The following USP38 variants were observed in gnomAD, a reference collection of about 807,000 sequenced individuals.
The protein encoded by USP38 is ubiquitin specific peptidase 38.
A neutral mutation model predicts 94.3 loss-of-function variants in USP38; 49 were observed. The observed-to-expected ratio is 0.52, with a 90% CI of 0.41 to 0.66. USP38 has a LOEUF of 0.66. Among genes scored for constraint, USP38 ranks in the 30% least tolerant of loss-of-function variants. The pLI is 0.00. For missense variants in USP38, 1,128 were observed against 1,229.4 expected (o/e 0.92, Z 1.23); for synonymous variants, 468 against 463.6 (o/e 1.01, Z -0.12).
At chr4:143,209,495 A>G in intron 6 of USP38, 69 bp from the exon 7 acceptor site, 1 of 1,012,642 alleles carries the variant, frequency 9.9e-7, no homozygotes, top group East Asian at 2.8e-5. Flanking sequence ...GTCTCAAAAA[A>G]AAAAAAAGCT....
At chr4:143,195,315 A>T (rs1731512809) in intron 2 of USP38, among the ~76,000 whole-genome samples, 1 of 152,232 alleles carries the variant, frequency 6.6e-6, no homozygotes, top group Non-Finnish European at 1.5e-5. Flanking sequence ...GACATTTCAG[A>T]TTTCAAATTT....
intron 4 of USP38, among the ~76,000 whole-genome samples, 198 bp from the exon 5 acceptor site, chr4:143,203,210 T>G (rs1249026930): frequency 1.3e-5 from 2 of 152,154 alleles, no homozygotes; most frequent in Non-Finnish European, 2.9e-5. Flanking sequence ...TATATGAGAT[T>G]ACAGTCATAT....
At chr4:143,206,371 C>A in intron 6 of USP38, 145 bp downstream of exon 6, 1 of 702,676 alleles carries the variant, frequency 1.4e-6, no homozygotes, top group Non-Finnish European at 2.1e-6. Flanking sequence ...AATGAAACTG[C>A]TTTTAGTGCT....
At chr4:143,201,824 A>G (rs550701736) in intron 4 of USP38, among the ~76,000 whole-genome samples, 3 of 152,190 alleles carry the variant, frequency 2.0e-5, no homozygotes, top group Admixed American at 2.0e-4. Context: ...AGAAACATTT[A>G]GTTTCACTTA....
intron 5 of USP38, among the ~76,000 whole-genome samples, chr4:143,205,636 AT>A (rs1731838719): frequency 6.6e-6 from 1 of 152,178 alleles, no homozygotes; most frequent in East Asian, 1.9e-4. Flanking sequence ...TTGAAAACAA[AT>A]TGTTTACTTA....
intron 6 of USP38, 70 bp from the exon 7 acceptor site, chr4:143,209,494 A>G: frequency 1.0e-6 from 1 of 1,002,380 alleles, no homozygotes; most frequent in Non-Finnish European, 1.4e-6. Context: ...TGTCTCAAAA[A>G]AAAAAAAAGC....
intron 2 of USP38, among the ~76,000 whole-genome samples, chr4:143,193,363 ACAAT>A (rs1340443705): frequency 3.9e-5 from 6 of 152,152 alleles, no homozygotes; most frequent in Non-Finnish European, 5.9e-5. Context: ...TTCCTTATTG[ACAAT>A]CATTTAGGTT....
chr4:143,203,304 A>G (rs1160268848), intron 4 of USP38, 104 bp from the exon 5 acceptor site: 2 of 1,155,044 alleles, frequency 1.7e-6, no homozygotes, highest in East Asian at 4.9e-5. Context: ...GCACATACAG[A>G]AAAGTATCTG....
At chr4:143,193,302 T>C (rs1178318553) in intron 2 of USP38, among the ~76,000 whole-genome samples, 1 of 152,220 alleles carries the variant, frequency 6.6e-6, no homozygotes, top group African/African-American at 2.4e-5. Flanking sequence ...ATCTATCTTA[T>C]TATTTAAAAC....
In USP38 at chr4:143,222,527, G is replaced by A. The variant is rs1732351706; in HGVS notation, c.*2071G>A. On this transcript the variant is annotated 3_prime_UTR_variant, in exon 10 of 10. Coordinates refer to ENST00000307017, the MANE Select transcript of USP38 (RefSeq NM_032557.6). ...TGTACTATTTTTTATGATATTTATTGGTTTTTTAAATTTTCTATCCAAAGT... is the reference window on the plus strand; with the variant it reads ...TGTACTATTTTTTATGATATTTATTAGTTTTTTAAATTTTCTATCCAAAGT... 1 of 151,744 alleles carries A rather than the reference G, an allele frequency of 6.6e-6. No homozygotes were observed. The highest frequency in any genetic ancestry group is 6.6e-5 in the Admixed American group (1 of 15,208). The allele number at this position is 151,744 out of a possible 1,614,324, so 9.4% of individuals were successfully genotyped here. A position where few individuals can be genotyped will look rare whatever the true frequency, so the allele number is the denominator to read the frequency against.
Position 143,187,973 on chromosome 4 carries a change from T to A in USP38, c.818+12T>A, listed in dbSNP as rs1233357253. ...CAAGCCCTTTGCAGGTACTTCTTCA[T>A]GACACTATTAATGGTAATTGTAGAT... On this transcript the variant is annotated intron_variant, in intron 2 of 9. Transcript: ENST00000307017. 6.2e-7 allele frequency: 1 copy of A among 1,605,984 alleles called. No homozygotes were observed. The highest frequency in any genetic ancestry group is 1.7e-5 in the Admixed American group (1 of 57,754).
intron 4 of USP38, 127 bp from the exon 5 acceptor site, chr4:143,203,281 A>G: frequency 1.0e-6 from 1 of 953,430 alleles, no homozygotes; most frequent in Non-Finnish European, 1.5e-6. Context: ...ATAACAAGAA[A>G]AACTCTGTGA....
rs951419313 is a variant in USP38 at position 143,186,223 on chromosome 4, C to T, written c.682+91C>T. 10 of 1,349,394 alleles carry T rather than the reference C, an allele frequency of 7.4e-6. No individual in the cohort carries two copies. The Admixed American group carries it at 2.1e-4, about 28-fold the overall frequency. 83.6% of individuals were successfully genotyped at this position (1,349,394 alleles called of 1,614,324 possible). A position where few individuals can be genotyped will look rare whatever the true frequency, so the allele number is the denominator to read the frequency against. ...ATTCACACCATGTTTTCCTCCTGCC[C>T]TAAAAACATTCTTAAGCGAGAGCAA... On this transcript the variant is annotated intron_variant, in intron 1 of 9. Transcript: ENST00000307017.
chr4:143,187,086 TG>T (rs1468064084), intron 1 of USP38, among the ~76,000 whole-genome samples: 2 of 152,178 alleles, frequency 1.3e-5, no homozygotes, highest in Non-Finnish European at 1.5e-5. Context: ...TGAGTTGGTT[TG>T]TTTTTTTTTC....
intron 8 of USP38, 73 bp from the exon 9 acceptor site, chr4:143,213,508 C>T: frequency 1.5e-6 from 2 of 1,373,432 alleles, no homozygotes; most frequent in Non-Finnish European, 1.9e-6. Flanking sequence ...TTATAGAAGC[C>T]ACTAATATTT....
At chr4:143,198,383 G>A (rs113506352) in intron 4 of USP38, among the ~76,000 whole-genome samples, 19 of 152,138 alleles carry the variant, frequency 1.2e-4, no homozygotes, top group East Asian at 9.6e-4. Flanking sequence ...AATCATTGGC[G>A]TTTATTTGAT....
intron 9 of USP38, among the ~76,000 whole-genome samples, chr4:143,218,068 G>T (rs371365838): frequency 6.6e-6 from 1 of 151,986 alleles, no homozygotes; most frequent in Non-Finnish European, 1.5e-5. Context: ...CCCATCTGTC[G>T]TGCATCAGCC....
Position 143,214,412 on chromosome 4 carries a change from C to T in USP38, c.2436C>T (p.Asp812=). The T allele has an allele frequency of 6.2e-7, 1 of 1,613,824 alleles. No individual in the cohort carries two copies. Among genetic ancestry groups the T allele is most frequent in the Non-Finnish European group, 8.5e-7 (1 of 1,179,860 alleles). The change falls in exon 9 of 10, where the codon GAC becomes GAT. Residue 812 remains aspartate, a synonymous_variant. Transcript: ENST00000307017. ...SLSESWSVDV[D]FTDLSENLAK... Reference sequence around the variant, plus strand: ...CAGAAAGTTGGTCTGTAGATGTTGACTTCACTGATCTTAGTGAGAACCTTG... The same window carrying T: ...CAGAAAGTTGGTCTGTAGATGTTGATTTCACTGATCTTAGTGAGAACCTTG...
intron 2 of USP38, among the ~76,000 whole-genome samples, chr4:143,189,072 G>A (rs1731317504): frequency 6.6e-6 from 1 of 151,900 alleles, no homozygotes; most frequent in African/African-American, 2.4e-5. Context: ...ACAGGAAGGG[G>A]GACAGGTTGT....
Sources: gnomAD v4.1 joint callset for allele counts (sites outside exome capture counted in the v4.1 genomes callset) on GRCh38, gnomAD v4.1.1 for gene constraint, MANE v1.5 for transcripts, NCBI Gene and HGNC (gene_info 2026-07-23, HGNC 2026-07-21) for gene names.